Variants in NHERF1 observed in about 807,000 individuals in gnomAD.
NHERF1 encodes NHERF family PDZ scaffold protein 1, also known as Na(+)/H(+) exchange regulatory cofactor NHE-RF1.
chr17:74,758,961 G>C, the NHERF1 span, among the ~76,000 whole-genome samples: 2 of 152,186 alleles, frequency 1.3e-5, no homozygotes, highest in Non-Finnish European at 2.9e-5. The surrounding 1 kb of genome is among the most constrained non-coding windows in gnomAD (Gnocchi z 4.3). Context: ...GGGCTGGCTT[G>C]ATGGGCTGAC....
the NHERF1 span, among the ~76,000 whole-genome samples, chr17:74,763,941 G>C: frequency 1.3e-5 from 2 of 152,180 alleles, no homozygotes; most frequent in South Asian, 4.1e-4. Flanking sequence ...ACGGGGGCCG[G>C]TGCCTCCCCC....
At chr17:74,759,460 G>C in the NHERF1 span, among the ~76,000 whole-genome samples, 1 of 152,172 alleles carries the variant, frequency 6.6e-6, no homozygotes, top group Non-Finnish European at 1.5e-5. Flanking sequence ...CAGAGGATGG[G>C]CATCCCAAAG....
chr17:74,757,180 G>A, the NHERF1 span, among the ~76,000 whole-genome samples: 144 of 152,288 alleles, frequency 9.5e-4, no homozygotes, highest in African/African-American at 3.3e-3. Flanking sequence ...GCCAGAAGGA[G>A]AACCTGTTTC....
At chr17:74,768,996 CCAT>C in the NHERF1 span, 4 of 386,142 alleles carry the variant, frequency 1.0e-5, no homozygotes, top group Non-Finnish European at 1.9e-5. Context: ...CCTTCCTCCC[CCAT>C]GTGATAAATG....
At chr17:74,762,097 G>T in the NHERF1 span, 2 of 1,614,164 alleles carry the variant, frequency 1.2e-6, no homozygotes, top group Non-Finnish European at 1.7e-6. The surrounding 1 kb of genome is among the most constrained non-coding windows in gnomAD (Gnocchi z 4.2). Flanking sequence ...TCCAAGCCAG[G>T]CCAGTTCATC....
chr17:74,756,273 C>A, the NHERF1 span, among the ~76,000 whole-genome samples: 2 of 72,014 alleles, frequency 2.8e-5, no homozygotes, highest in South Asian at 5.7e-4. Context: ...TTCTTTCTTT[C>A]TTTTTTTTTT....
At chr17:74,758,831 C>T in the NHERF1 span, among the ~76,000 whole-genome samples, 1 of 152,206 alleles carries the variant, frequency 6.6e-6, no homozygotes, top group Non-Finnish European at 1.5e-5. This position sits in a 1 kb window ranked among gnomAD's most constrained non-coding sequence, Gnocchi z 4.3. Context: ...GTACCCCACA[C>T]CTCCCCATCT....
the NHERF1 span, chr17:74,749,108 C>T: frequency 6.3e-7 from 1 of 1,581,580 alleles, no homozygotes; most frequent in South Asian, 1.1e-5. The surrounding 1 kb of genome is among the most constrained non-coding windows in gnomAD (Gnocchi z 5.6). Context: ...CGCCGTGCGC[C>T]TGCTGGTGGT....
chr17:74,763,139 T>G, the NHERF1 span: 1 of 503,212 alleles, frequency 2.0e-6, no homozygotes, highest in East Asian at 3.2e-5. Context: ...CGTCTGGATA[T>G]TTTCGTTGGC....
chr17:74,758,281 G>C, the NHERF1 span, among the ~76,000 whole-genome samples: 47 of 152,244 alleles, frequency 3.1e-4, no homozygotes, highest in Admixed American at 3.1e-3. This position sits in a 1 kb window ranked among gnomAD's most constrained non-coding sequence, Gnocchi z 4.3. Context: ...CACTTAGGGC[G>C]CGGTGAAGCT....
At chr17:74,750,328 G>T in the NHERF1 span, among the ~76,000 whole-genome samples, 1 of 152,188 alleles carries the variant, frequency 6.6e-6, no homozygotes, top group Non-Finnish European at 1.5e-5. Flanking sequence ...AGGGCAGGGC[G>T]TGAGCCTCCC....
chr17:74,749,089 C>T, the NHERF1 span: 1 of 1,587,136 alleles, frequency 6.3e-7, no homozygotes, highest in Admixed American at 1.8e-5. This position sits in a 1 kb window ranked among gnomAD's most constrained non-coding sequence, Gnocchi z 5.6. Flanking sequence ...GCATCCGCGC[C>T]GCACTCAACG....
At chr17:74,761,435 A>G in the NHERF1 span, among the ~76,000 whole-genome samples, 263 of 152,348 alleles carry the variant, frequency 1.7e-3, no homozygotes, top group African/African-American at 5.9e-3. This position sits in a 1 kb window ranked among gnomAD's most constrained non-coding sequence, Gnocchi z 4.3. Flanking sequence ...TGGCTGGGCC[A>G]TTCGGCTTGG....
the NHERF1 span, among the ~76,000 whole-genome samples, chr17:74,754,057 G>C: frequency 2.0e-5 from 3 of 151,954 alleles, no homozygotes; most frequent in South Asian, 2.1e-4. Context: ...CCAGCTACTC[G>C]GGAGTCTGAG....
the NHERF1 span, among the ~76,000 whole-genome samples, chr17:74,767,679 CCTT>C: frequency 1.3e-5 from 2 of 152,210 alleles, no homozygotes; most frequent in Admixed American, 6.5e-5. Context: ...TCAAGGCCCT[CCTT>C]TGCTGCTTCA....
chr17:74,757,976 C>T, the NHERF1 span, among the ~76,000 whole-genome samples: 1 of 152,238 alleles, frequency 6.6e-6, no homozygotes, highest in Non-Finnish European at 1.5e-5. Flanking sequence ...CCTCTGGGGT[C>T]CTGAGCTAGC....
the NHERF1 span, among the ~76,000 whole-genome samples, chr17:74,751,183 C>T: frequency 6.6e-6 from 1 of 152,166 alleles, no homozygotes; most frequent in East Asian, 1.9e-4. This position sits in a 1 kb window ranked among gnomAD's most constrained non-coding sequence, Gnocchi z 4.3. Context: ...TCATGCCTGG[C>T]GTTTGAATCC....
the NHERF1 span, among the ~76,000 whole-genome samples, chr17:74,750,497 G>A: frequency 6.6e-6 from 1 of 152,200 alleles, no homozygotes; most frequent in Non-Finnish European, 1.5e-5. Context: ...GTGGAAGTGA[G>A]GTCACCAGAA....
the NHERF1 span, chr17:74,763,511 C>A: frequency 6.9e-6 from 11 of 1,594,328 alleles, no homozygotes; most frequent in Non-Finnish European, 8.5e-6. Flanking sequence ...ATCTCAGGAG[C>A]ACCTGAATGG....
Sources: allele counts gnomAD v4.1 joint callset (sites outside exome capture counted in the v4.1 genomes callset), GRCh38; gene constraint gnomAD v4.1.1; non-coding constraint Gnocchi (gnomAD v3.1); transcripts MANE v1.5; gene names NCBI Gene and HGNC (gene_info 2026-07-23, HGNC 2026-07-21).